Variants in ZMIZ1 observed in about 807,000 individuals in gnomAD.
The protein encoded by ZMIZ1 is zinc finger MIZ domain-containing protein 1.
ZMIZ1 carries 17 observed loss-of-function variants against 113.9 expected under a neutral mutation model. The observed-to-expected ratio is 0.15, with a 90% CI of 0.10 to 0.22. The LOEUF (loss-of-function observed/expected upper bound fraction) is 0.22, where lower values mean the gene tolerates loss of function less well. Ranked by LOEUF, ZMIZ1 falls within the 10% of genes least tolerant of loss-of-function variation. ZMIZ1 has a pLI of 1.00. For synonymous variants in ZMIZ1, 607 were observed against 603.1 expected, an observed-to-expected ratio of 1.01 and a Z score of -0.09; for missense variants, 1,059 against 1,477.8, an observed-to-expected ratio of 0.72 and a Z score of 4.65.
intron 7 of ZMIZ1, among the ~76,000 whole-genome samples, chr10:79,254,755 G>A (rs1433948939): frequency 6.6e-6 from 1 of 152,204 alleles, no homozygotes; most frequent in African/African-American, 2.4e-5. Flanking sequence ...GGGCGGGGGC[G>A]TTGGTGGGTG....
chr10:79,134,911 C>T (rs942928026), intron 2 of ZMIZ1, among the ~76,000 whole-genome samples: 3 of 152,022 alleles, frequency 2.0e-5, no homozygotes, highest in East Asian at 1.9e-4. Flanking sequence ...CTCTGCCTCC[C>T]GGGTTCAAGT....
intron 2 of ZMIZ1, among the ~76,000 whole-genome samples, chr10:79,136,302 C>T (rs533724043): frequency 3.9e-5 from 6 of 152,340 alleles, no homozygotes; most frequent in South Asian, 2.1e-4. Context: ...AGGCCCAGCT[C>T]GTCTCTAGGA....
chr10:79,127,580 G>A (rs7904249), intron 2 of ZMIZ1, among the ~76,000 whole-genome samples: 29,299 of 151,706 alleles, frequency 0.19, 3,319 homozygotes, highest in East Asian at 0.41. Flanking sequence ...GGGTGGGGAG[G>A]TGGGTGGCGT....
chr10:79,193,345 C>T (rs1847687622), intron 4 of ZMIZ1, among the ~76,000 whole-genome samples: 1 of 152,210 alleles, frequency 6.6e-6, no homozygotes, highest in African/African-American at 2.4e-5. Context: ...AAGGTTTGTC[C>T]ATGGACCTTC....
At chr10:79,135,612 G>A (rs1021115499) in intron 2 of ZMIZ1, among the ~76,000 whole-genome samples, 1 of 152,168 alleles carries the variant, frequency 6.6e-6, no homozygotes, top group African/African-American at 2.4e-5. Flanking sequence ...GAGTTAAAGG[G>A]ATAACAGCTT....
chr10:79,138,080 T>TGGGCCAGGGGCC (rs1845093476), intron 2 of ZMIZ1, among the ~76,000 whole-genome samples: 1 of 152,132 alleles, frequency 6.6e-6, no homozygotes, highest in South Asian at 2.1e-4. Flanking sequence ...CGGCGGGCAC[T>TGGGCCAGGGGCC]GGGCCAGGGG....
chr10:79,304,296 T>A, intron 19 of ZMIZ1, 121 bp downstream of exon 19: 4 of 1,299,028 alleles, frequency 3.1e-6, no homozygotes, highest in Non-Finnish European at 4.2e-6. Context: ...GTCATGGAGA[T>A]CAGCAGCTGG....
In ZMIZ1 at chr10:79,166,966, A is replaced by C. The variant is rs60624455; in HGVS notation, c.-50+4833A>C. Among the ~76,000 whole-genome samples the C allele has an allele frequency of 4.6e-3, 708 of 152,342 alleles. 3 individuals carry two copies. The highest frequency in any genetic ancestry group is 0.016 in the African/African-American group (654 of 41,590). ...CAGCCTCCTTTCACAGCCACATCAC[A>C]TGCTAGCCTTCTGCCAGCGCCCTGG... On this transcript the variant is annotated intron_variant, in intron 4 of 24. Transcript: ENST00000334512.
chr10:79,291,018 G>C lies in ZMIZ1; in HGVS notation c.600G>C (p.Met200Ile). The C allele has an allele frequency of 6.2e-7, 1 of 1,614,248 alleles. No homozygotes were observed. Among genetic ancestry groups the C allele is most frequent in the Non-Finnish European group, 8.5e-7 (1 of 1,180,038 alleles). ...CCATGAATCCAGGCGGCAACCCCAT[G>C]GCGTCGGGCATGACCACCAGCAACC... The part of the protein sequence containing the change: ...NNPMNPGGNP[M>I]ASGMTTSNPG... The change falls in exon 10 of 25, where the codon ATG becomes ATC. Residue 200 changes from methionine (M) to isoleucine (I), a missense_variant. Physicochemically the swap from Met to Ile is conservative, Grantham distance 10. Transcript: ENST00000334512.
intron 1 of ZMIZ1, among the ~76,000 whole-genome samples, chr10:79,072,850 C>A (rs528740711): frequency 6.6e-6 from 1 of 152,252 alleles, no homozygotes; most frequent in Non-Finnish European, 1.5e-5. Flanking sequence ...CCTTGCCTGG[C>A]GACAGCTCTG....
chr10:79,124,363 G>A (rs1470551305), intron 2 of ZMIZ1, among the ~76,000 whole-genome samples: 2 of 152,236 alleles, frequency 1.3e-5, no homozygotes, highest in African/African-American at 2.4e-5. Context: ...GAGAGGTTAA[G>A]AAACTTAGCC....
chr10:79,113,113 C>T (rs1389914347), intron 1 of ZMIZ1, among the ~76,000 whole-genome samples: 1 of 152,240 alleles, frequency 6.6e-6, no homozygotes, highest in African/African-American at 2.4e-5. Context: ...CCCGCAGCAG[C>T]CTGGCCTGCC....
intron 1 of ZMIZ1, among the ~76,000 whole-genome samples, chr10:79,110,022 C>T (rs1246714987): frequency 1.3e-5 from 2 of 152,254 alleles, no homozygotes; most frequent in African/African-American, 4.8e-5. Flanking sequence ...CTTGTTCCAG[C>T]TGTGAGCAAA....
chr10:79,109,882 T>TC (rs1374066445), intron 1 of ZMIZ1, among the ~76,000 whole-genome samples: 1 of 152,156 alleles, frequency 6.6e-6, no homozygotes, highest in Non-Finnish European at 1.5e-5. Context: ...TCAAGTTCCT[T>TC]CCCCCAGCAG....
At position 79,314,005 on chromosome 10, in the gene ZMIZ1, T is replaced by A. The variant is rs1855371537; in HGVS notation, c.*1256T>A. On this transcript the variant is annotated 3_prime_UTR_variant, in exon 25 of 25. Coordinates refer to ENST00000334512, the MANE Select transcript of ZMIZ1 (RefSeq NM_020338.4). Reference sequence around the variant, plus strand: ...GTGCACCAGTATGTACCTGCAGGCATGGGGGGGAGGGGGGCGTGTTTCTGG... The same window carrying A: ...GTGCACCAGTATGTACCTGCAGGCAAGGGGGGGAGGGGGGCGTGTTTCTGG... The A allele has an allele frequency of 2.2e-6, 1 of 455,544 alleles. No individual in the cohort carries two copies. Among genetic ancestry groups the A allele is most frequent in the South Asian group, 1.6e-5 (1 of 64,488 alleles). The allele number at this position is 455,544 out of a possible 1,614,324, so 28.2% of individuals were successfully genotyped here. A position where few individuals can be genotyped will look rare whatever the true frequency, so the allele number is the denominator to read the frequency against.
At chr10:79,203,003 G>C (rs1305112036) in intron 5 of ZMIZ1, among the ~76,000 whole-genome samples, 1 of 152,238 alleles carries the variant, frequency 6.6e-6, no homozygotes, top group Non-Finnish European at 1.5e-5. Context: ...CCCAGCCCTG[G>C]TGTGTGGTGT....
chr10:79,298,061 C>G (rs536342382), intron 14 of ZMIZ1, among the ~76,000 whole-genome samples: 1 of 152,264 alleles, frequency 6.6e-6, no homozygotes, highest in East Asian at 1.9e-4. Context: ...GACAGGAGGC[C>G]TGGGCTTCAT....
chr10:79,112,954 C>T (rs1191322513), intron 1 of ZMIZ1, among the ~76,000 whole-genome samples: 2 of 152,252 alleles, frequency 1.3e-5, no homozygotes, highest in Non-Finnish European at 1.5e-5. Flanking sequence ...AGGGCCTCCT[C>T]CTGGCTCCTG....
At chr10:79,227,924 C>A (rs1326499472) in intron 7 of ZMIZ1, among the ~76,000 whole-genome samples, 1 of 152,194 alleles carries the variant, frequency 6.6e-6, no homozygotes, top group Admixed American at 6.5e-5. Context: ...AGGCAGGCAG[C>A]CCTGCAGAAG....
Sources: gnomAD v4.1 joint callset for allele counts (sites outside exome capture counted in the v4.1 genomes callset) on GRCh38, gnomAD v4.1.1 for gene constraint, MANE v1.5 for transcripts, NCBI Gene and HGNC (gene_info 2026-07-23, HGNC 2026-07-21) for gene names.